The following COG5 variants were observed in gnomAD, a reference collection of about 807,000 sequenced individuals.
The protein encoded by COG5 is conserved oligomeric Golgi complex subunit 5.
In COG5, 86 loss-of-function variants were observed where a neutral mutation model predicts 110.4. That is an observed-to-expected ratio of 0.78 (90% CI 0.65 to 0.93). The LOEUF is 0.93. COG5 is among the 40% of genes least tolerant of loss of function. The probability of loss-of-function intolerance (pLI) is 0.00; values close to 1 mark genes in which losing one functional copy is unlikely to be tolerated. For synonymous variants in COG5, 360 were observed against 334.6 expected (o/e 1.08, Z -0.83); for missense variants, 1,077 against 987.0 (o/e 1.09, Z -1.22).
chr7:107,359,129 A>G (rs1314289126), intron 10 of COG5, among the ~76,000 whole-genome samples: 1 of 152,190 alleles, frequency 6.6e-6, no homozygotes, highest in Admixed American at 6.5e-5. Context: ...GCCCAGCCAC[A>G]GCTGTGGACC....
At chr7:107,219,364 T>C (rs1395720861) in intron 19 of COG5, among the ~76,000 whole-genome samples, 1 of 152,184 alleles carries the variant, frequency 6.6e-6, no homozygotes, top group Non-Finnish European at 1.5e-5. Context: ...GAAATTGGCA[T>C]GTTGAACAGA....
At chr7:107,217,825 C>G (rs1584532790) in intron 19 of COG5, among the ~76,000 whole-genome samples, 1 of 152,052 alleles carries the variant, frequency 6.6e-6, no homozygotes, top group Admixed American at 6.6e-5. Flanking sequence ...CCACTGTCAG[C>G]AAGCACTTTT....
At chr7:107,354,132 C>T (rs866447459) in intron 10 of COG5, among the ~76,000 whole-genome samples, 22 of 152,136 alleles carry the variant, frequency 1.4e-4, no homozygotes, top group Non-Finnish European at 3.1e-4. Flanking sequence ...AAAATTACCA[C>T]GTTAGGTCAT....
chr7:107,283,692 C>T lies in COG5; in HGVS notation c.1354G>A (p.Ala452Thr), dbSNP rs866291387. The change falls in exon 13 of 22, where the codon GCT becomes ACT. Residue 452 changes from alanine (A) to threonine (T), a missense_variant. Coordinates refer to ENST00000297135, the MANE Select transcript of COG5 (RefSeq NM_006348.5). ...GATAAGGATTTTGATAGATAAGCAG[C>T]CTCATAGGGTTGTAGTGAGTCTTTC... ...ALKDSLQPYE[A>T]AYLSKSLSRL... is the part of the protein sequence containing the mutation. 2 of 1,613,820 alleles carry T rather than the reference C, an allele frequency of 1.2e-6. No individual in the cohort carries two copies. The highest frequency in any genetic ancestry group is 1.7e-5 in the Admixed American group (1 of 59,990).
chr7:107,385,043 T>C (rs1790085681), intron 7 of COG5, among the ~76,000 whole-genome samples: 1 of 152,204 alleles, frequency 6.6e-6, no homozygotes, highest in Non-Finnish European at 1.5e-5. Context: ...CACATGTAAT[T>C]AGTTGAGATA....
Position 107,270,876 on chromosome 7 carries a change from C to G in COG5, c.1575+10424G>C, listed in dbSNP as rs1218313313. Reference sequence around the variant, plus strand: ...AATATTTTATACTTCATTATCCTAACTAGAACTTTTTTTTTTTTTTTTTTT... The same window carrying G: ...AATATTTTATACTTCATTATCCTAAGTAGAACTTTTTTTTTTTTTTTTTTT... On this transcript the variant is annotated intron_variant, in intron 14 of 21. Coordinates refer to ENST00000297135, the MANE Select transcript of COG5 (RefSeq NM_006348.5). Among the ~76,000 whole-genome samples, 5 of 127,564 alleles carry G rather than the reference C, an allele frequency of 3.9e-5. No individual in the cohort carries two copies. The South Asian group carries it at 7.8e-4, about 20-fold the overall frequency. The allele number at this position is 127,564 out of a possible 152,430, so 83.7% of individuals were successfully genotyped here. A position where few individuals can be genotyped will look rare whatever the true frequency, so the allele number is the denominator to read the frequency against.
chr7:107,272,552 G>A (rs992127962), intron 14 of COG5, among the ~76,000 whole-genome samples: 19 of 152,010 alleles, frequency 1.2e-4, no homozygotes, highest in African/African-American at 1.9e-4. Flanking sequence ...TCAGATATAC[G>A]GGGTTCACAA....
rs1798397818 is a variant in COG5, at chr7:107,202,415, C to T, written c.*1101G>A. ...TGGTGTTTCTGGTTAGGAATCACAG[C>T]TGTAAAATTGATTTCAGTTCATCAC... is the stretch of plus-strand genomic sequence containing the variant. On this transcript the variant is annotated 3_prime_UTR_variant, in exon 22 of 22. Transcript: ENST00000297135. 1 of 152,592 alleles carries T rather than the reference C, an allele frequency of 6.6e-6. No homozygotes were observed. The highest frequency in any genetic ancestry group is 6.5e-5 in the Admixed American group (1 of 15,268). 9.5% of individuals were successfully genotyped at this position (152,592 alleles called of 1,614,324 possible).
chr7:107,306,691 A>T (rs772675599), intron 11 of COG5, among the ~76,000 whole-genome samples: 2 of 152,202 alleles, frequency 1.3e-5, no homozygotes, highest in Non-Finnish European at 2.9e-5. Flanking sequence ...ATTTTTTAAC[A>T]GGGATATAAA....
chr7:107,475,402 T>C, intron 6 of COG5: 1 of 946,570 alleles, frequency 1.1e-6, no homozygotes, highest in Non-Finnish European at 1.6e-6. Flanking sequence ...TTCAAATGAG[T>C]TTTAAATTTA....
At chr7:107,549,094 GT>G (rs1802686856) in intron 3 of COG5, 1 of 152,188 alleles carries the variant, frequency 6.6e-6, no homozygotes, top group Non-Finnish European at 1.5e-5. Context: ...CAATAACAGA[GT>G]TCAGTTCAAT....
chr7:107,353,420 G>A (rs1229091331), intron 10 of COG5, among the ~76,000 whole-genome samples: 9 of 102,002 alleles, frequency 8.8e-5, no homozygotes, highest in South Asian at 3.1e-4. Context: ...GCGAGACTCC[G>A]TCTCAAAAAA....
intron 16 of COG5, among the ~76,000 whole-genome samples, chr7:107,253,518 T>C (rs1239826271): frequency 2.0e-5 from 3 of 151,976 alleles, no homozygotes; most frequent in Non-Finnish European, 2.9e-5. Flanking sequence ...ACAAGACAAA[T>C]CTCAGTAAAA....
At chr7:107,500,051 A>G (rs1798540414) in intron 6 of COG5, among the ~76,000 whole-genome samples, 1 of 152,174 alleles carries the variant, frequency 6.6e-6, no homozygotes, top group South Asian at 2.1e-4. Context: ...TAGGAAGAAG[A>G]GCACTCAACC....
intron 19 of COG5, among the ~76,000 whole-genome samples, chr7:107,221,530 C>T (rs539004259): frequency 5.3e-5 from 8 of 151,936 alleles, no homozygotes; most frequent in African/African-American, 1.4e-4. Context: ...TTTGGGAGGC[C>T]GAGGCAGGCA....
chr7:107,282,341 G>C (rs1805236281), intron 13 of COG5, among the ~76,000 whole-genome samples: 1 of 152,120 alleles, frequency 6.6e-6, no homozygotes, highest in African/African-American at 2.4e-5. Flanking sequence ...AGGAATGGGA[G>C]AGATTCCTCT....
chr7:107,459,199 C>A (rs951468123), intron 6 of COG5, among the ~76,000 whole-genome samples: 4 of 151,896 alleles, frequency 2.6e-5, no homozygotes, highest in Non-Finnish European at 5.9e-5. Context: ...TTATTATCAA[C>A]AGAAAATACA....
rs1378927998 is a variant in COG5, at chr7:107,202,724, C to CTT, written c.*790_*791dup. ...AACAAGAGCCATCAGAAAATAAGGA[C>CTT]TTAGATTATCTACTATTTATAGAGA... is the stretch of plus-strand genomic sequence containing the variant. On this transcript the variant is annotated 3_prime_UTR_variant, in exon 22 of 22. Transcript: ENST00000297135. 2 of 152,008 alleles carry CTT rather than the reference C, an allele frequency of 1.3e-5. No homozygotes were observed. The highest frequency in any genetic ancestry group is 2.9e-5 in the Non-Finnish European group (2 of 68,000). The allele number at this position is 152,008 out of a possible 1,614,324, so 9.4% of individuals were successfully genotyped here. A position where few individuals can be genotyped will look rare whatever the true frequency, so the allele number is the denominator to read the frequency against.
At chr7:107,432,184 G>C (rs1794070037) in intron 6 of COG5, among the ~76,000 whole-genome samples, 2 of 151,986 alleles carry the variant, frequency 1.3e-5, no homozygotes, top group African/African-American at 4.8e-5. Flanking sequence ...TGAATGCTTT[G>C]GCATAAGCAT....
Sources: allele counts gnomAD v4.1 joint callset (sites outside exome capture counted in the v4.1 genomes callset), GRCh38; gene constraint gnomAD v4.1.1; transcripts MANE v1.5; gene names NCBI Gene and HGNC (gene_info 2026-07-23, HGNC 2026-07-21).